Variants in GATAD2B observed in about 807,000 individuals in gnomAD.
GATAD2B encodes transcriptional repressor p66-beta.
In GATAD2B, 8 loss-of-function variants were observed where a neutral mutation model predicts 64.3. That is an observed-to-expected ratio of 0.12 (90% CI 0.07 to 0.22). The LOEUF is 0.22. Among genes scored for constraint, GATAD2B ranks in the 10% least tolerant of loss-of-function variants. GATAD2B has a pLI of 1.00. For missense variants in GATAD2B, 453 were observed against 752.0 expected, an observed-to-expected ratio of 0.60 and a Z score of 4.65; for synonymous variants, 281 against 271.3, an observed-to-expected ratio of 1.04 and a Z score of -0.35.
At chr1:153,886,858 C>T (rs371091426) in intron 1 of GATAD2B, among the ~76,000 whole-genome samples, 2 of 151,876 alleles carry the variant, frequency 1.3e-5, no homozygotes, top group Non-Finnish European at 2.9e-5. Context: ...TGCGTCTGGC[C>T]GAAAAATAGC....
intron 1 of GATAD2B, among the ~76,000 whole-genome samples, chr1:153,877,139 A>G (rs1676861975): frequency 6.6e-6 from 1 of 152,200 alleles, no homozygotes; most frequent in Admixed American, 6.5e-5. Context: ...GTTTGAGACC[A>G]GCCTGGGAAA....
At position 153,806,203 on chromosome 1, in the gene GATAD2B, G is replaced by C. The variant is rs1410804008; in HGVS notation, c.*3974C>G. On this transcript the variant is annotated 3_prime_UTR_variant, in exon 11 of 11. Transcript: ENST00000368655. ...AATAATACTTGGTTTCGATGCCCCCGGGAACTGCCCCATTCCTCGGCTACC... is the reference window on the plus strand; with the variant it reads ...AATAATACTTGGTTTCGATGCCCCCCGGAACTGCCCCATTCCTCGGCTACC... 6.6e-6 allele frequency: 1 copy of C among 152,184 alleles called. No homozygotes were observed. Among genetic ancestry groups the C allele is most frequent in the Non-Finnish European group, 1.5e-5 (1 of 68,060 alleles). The allele number at this position is 152,184 out of a possible 1,614,324, so 9.4% of individuals were successfully genotyped here.
chr1:153,913,055 T>A (rs1678153804), intron 1 of GATAD2B, among the ~76,000 whole-genome samples: 1 of 151,970 alleles, frequency 6.6e-6, no homozygotes. Context: ...GATACTGCAC[T>A]CCAGCCTGGG....
At chr1:153,853,475 TA>T (rs2101912837) in intron 1 of GATAD2B, 1 of 440,170 alleles carries the variant, frequency 2.3e-6, no homozygotes, top group East Asian at 4.3e-5. Flanking sequence ...AATATACATA[TA>T]TTTTTTGCTA....
At chr1:153,873,154 C>T (rs1363899042) in intron 1 of GATAD2B, among the ~76,000 whole-genome samples, 2 of 152,096 alleles carry the variant, frequency 1.3e-5, no homozygotes, top group African/African-American at 4.8e-5. Flanking sequence ...TGAAACTATT[C>T]TGATCTCACA....
rs1312256374 is a variant in GATAD2B at position 153,806,604 on chromosome 1, C to G, written c.*3573G>C. ...ATCCATGGCTAGGGCTTTTTTTTCT[C>G]TTTTTCAGGTTTTTTTTTTTTTCTA... On this transcript the variant is annotated 3_prime_UTR_variant, in exon 11 of 11. Transcript: ENST00000368655. 1 of 133,142 alleles carries G rather than the reference C, an allele frequency of 7.5e-6. No individual in the cohort carries two copies. Among genetic ancestry groups the G allele is most frequent in the Admixed American group, 7.4e-5 (1 of 13,532 alleles). The allele number at this position is 133,142 out of a possible 1,614,324, so 8.2% of individuals were successfully genotyped here.
chr1:153,869,271 G>A (rs955403046), intron 1 of GATAD2B, among the ~76,000 whole-genome samples: 3 of 135,594 alleles, frequency 2.2e-5, no homozygotes, highest in Admixed American at 8.0e-5. Flanking sequence ...CAGCCCAGGC[G>A]ACAGAGCAAG....
intron 2 of GATAD2B, among the ~76,000 whole-genome samples, chr1:153,824,143 C>A (rs181639565): frequency 6.6e-6 from 1 of 152,162 alleles, no homozygotes; most frequent in East Asian, 1.9e-4. Context: ...TTGGGTACAG[C>A]GGCCCATGCC....
intron 1 of GATAD2B, among the ~76,000 whole-genome samples, chr1:153,900,663 G>A (rs995556434): frequency 1.3e-5 from 2 of 152,026 alleles, no homozygotes; most frequent in Non-Finnish European, 2.9e-5. Context: ...AACTACAGGC[G>A]TGTGCCATCA....
chr1:153,855,557 C>T (rs1676056255), intron 1 of GATAD2B, among the ~76,000 whole-genome samples: 4 of 152,190 alleles, frequency 2.6e-5, no homozygotes, highest in African/African-American at 9.6e-5. Context: ...TAATAAATTA[C>T]CACAAATTTA....
At chr1:153,918,958 TATAAA>T (rs71096503) in intron 1 of GATAD2B, among the ~76,000 whole-genome samples, 3 of 151,360 alleles carry the variant, frequency 2.0e-5, no homozygotes, top group Non-Finnish European at 4.4e-5. Context: ...TCTCAAAAAA[TATAAA>T]ATAAAATAAA....
chr1:153,877,620 G>A (rs1393489428), intron 1 of GATAD2B, among the ~76,000 whole-genome samples: 2 of 151,730 alleles, frequency 1.3e-5, no homozygotes, highest in Admixed American at 6.6e-5. Context: ...GCTCATGCCT[G>A]TAATCCCAGC....
chr1:153,828,210 C>A lies in GATAD2B; in HGVS notation c.138G>T (p.Leu46Phe). 1 of 1,614,150 alleles carries A rather than the reference C, an allele frequency of 6.2e-7. No individual in the cohort carries two copies. Among genetic ancestry groups the A allele is most frequent in the Non-Finnish European group, 8.5e-7 (1 of 1,180,030 alleles). The change falls in exon 2 of 11, where the codon TTG (leucine) becomes TTT (phenylalanine). Residue 46 changes from leucine (L) to phenylalanine (F), a missense_variant. This residue lies in a region of GATAD2B where 293 missense variants were observed against 417.2 expected (regional missense o/e 0.70). Coordinates refer to ENST00000368655, the MANE Select transcript of GATAD2B (RefSeq NM_020699.4). ...GHEAMERLKM[L>F]ALLKRKDLAN... ...CCAAATCCTTCCTTTTGAGCAATGC[C>A]AACATTTTCAGACGTTCCATGGCCT...
At chr1:153,918,584 G>A (rs180878411) in intron 1 of GATAD2B, among the ~76,000 whole-genome samples, 7 of 152,226 alleles carry the variant, frequency 4.6e-5, no homozygotes, top group East Asian at 3.9e-4. Context: ...GAGACAAGCC[G>A]AAGAAAGCTT....
At chr1:153,904,964 C>T (rs886201973) in intron 1 of GATAD2B, among the ~76,000 whole-genome samples, 6 of 152,064 alleles carry the variant, frequency 3.9e-5, no homozygotes, top group Non-Finnish European at 7.4e-5. Context: ...GCCTTGGCCT[C>T]CCGAAGTGCT....
At chr1:153,872,316 CAAA>C (rs779386978) in intron 1 of GATAD2B, among the ~76,000 whole-genome samples, 224 of 58,732 alleles carry the variant, frequency 3.8e-3, no homozygotes, top group African/African-American at 0.013. Context: ...ACTCTGTCTC[CAAA>C]AAAAAAAAAA....
At chr1:153,885,012 C>T (rs1320258362) in intron 1 of GATAD2B, among the ~76,000 whole-genome samples, 1 of 152,122 alleles carries the variant, frequency 6.6e-6, no homozygotes, top group African/African-American at 2.4e-5. Flanking sequence ...CCGCTTCGGC[C>T]TCCCAAAGTG....
At chr1:153,833,146 G>A (rs1675135577) in intron 1 of GATAD2B, among the ~76,000 whole-genome samples, 1 of 152,130 alleles carries the variant, frequency 6.6e-6, no homozygotes, top group South Asian at 2.1e-4. Context: ...TTTTGAGGCT[G>A]TAGAGCACTA....
intron 1 of GATAD2B, among the ~76,000 whole-genome samples, chr1:153,893,514 T>C (rs921966568): frequency 2.0e-5 from 3 of 150,854 alleles, no homozygotes; most frequent in Admixed American, 1.3e-4. Context: ...GAGGCTGAAG[T>C]GGGAGGATTG....
Sources: gnomAD v4.1 joint callset for allele counts (sites outside exome capture counted in the v4.1 genomes callset) on GRCh38, gnomAD v4.1.1 for gene constraint, gnomAD v4.1.1 regional missense constraint, MANE v1.5 for transcripts, NCBI Gene and HGNC (gene_info 2026-07-23, HGNC 2026-07-21) for gene names.